The following EDDM13 variants were observed in gnomAD, a reference collection of about 807,000 sequenced individuals.
EDDM13 encodes epididymal protein 13.
A neutral mutation model predicts 17.8 loss-of-function variants in EDDM13; 24 were observed. The ratio of observed to expected loss-of-function variants is 1.35; its 90% CI spans 0.98 to 1.90. The LOEUF is 1.90. Ranked by LOEUF, EDDM13 falls within the 40% of genes most tolerant of loss-of-function variation. EDDM13 has a pLI of 0.00. For missense variants in EDDM13, 97 were observed against 100.8 expected, an observed-to-expected ratio of 0.96 and a Z score of 0.16; for synonymous variants, 31 against 37.5, an observed-to-expected ratio of 0.83 and a Z score of 0.63.
chr19:56,309,347 T>C (rs1224444028), intron 14 of EDDM13, among the ~76,000 whole-genome samples: 2 of 152,066 alleles, frequency 1.3e-5, no homozygotes, highest in Non-Finnish European at 2.9e-5. Context: ...CTTTTTTGGG[T>C]TGATGAAAAT....
intron 9 of EDDM13, among the ~76,000 whole-genome samples, chr19:56,292,224 A>C (rs1303949039): frequency 6.6e-6 from 1 of 152,200 alleles, no homozygotes; most frequent in Non-Finnish European, 1.5e-5. Flanking sequence ...GGTAACATAC[A>C]TCTTTTAAAA....
intron 4 of EDDM13, chr19:56,283,313 A>T (rs1270996808): frequency 6.6e-6 from 1 of 152,190 alleles, no homozygotes; most frequent in Non-Finnish European, 1.5e-5. Flanking sequence ...ACTAAATGTT[A>T]CCTTGAGCCA....
At chr19:56,287,719 A>C (rs1400886022) in intron 6 of EDDM13, among the ~76,000 whole-genome samples, 1 of 152,196 alleles carries the variant, frequency 6.6e-6, no homozygotes, top group South Asian at 2.1e-4. Flanking sequence ...AAATCATCTG[A>C]GTCATTAAAC....
intron 6 of EDDM13, among the ~76,000 whole-genome samples, chr19:56,286,176 C>A (rs184696185): frequency 2.3e-3 from 353 of 152,142 alleles, no homozygotes; most frequent in African/African-American, 8.2e-3. Flanking sequence ...CGCCCACCAC[C>A]ATGCTCGGCT....
chr19:56,302,537 T>TCCCCGTTCCTCCCTC (rs1568726049), intron 13 of EDDM13, among the ~76,000 whole-genome samples: 1 of 49,228 alleles, frequency 2.0e-5, no homozygotes, highest in Non-Finnish European at 4.5e-5. Context: ...TCCCTCTTCT[T>TCCCCGTTCCTCCCTC]CCTCCCCGTT....
chr19:56,280,979 T>C (rs1459739178), intron 2 of EDDM13, among the ~76,000 whole-genome samples: 3 of 152,190 alleles, frequency 2.0e-5, no homozygotes, highest in African/African-American at 7.2e-5. Context: ...AATTCACATA[T>C]AACTTTTGAC....
intron 9 of EDDM13, among the ~76,000 whole-genome samples, chr19:56,291,778 A>G (rs1412132637): frequency 2.6e-5 from 4 of 152,090 alleles, no homozygotes; most frequent in African/African-American, 9.7e-5. Context: ...AAAAATAGCT[A>G]TATTACCATC....
chr19:56,309,131 G>C (rs913155598), intron 14 of EDDM13, among the ~76,000 whole-genome samples: 3 of 152,202 alleles, frequency 2.0e-5, no homozygotes, highest in Non-Finnish European at 4.4e-5. Context: ...AAGAGGAATG[G>C]GGTCCTGGCA....
chr19:56,289,637 G>C (rs2039380285), intron 8 of EDDM13, among the ~76,000 whole-genome samples: 2 of 151,986 alleles, frequency 1.3e-5, no homozygotes, highest in African/African-American at 4.8e-5. Context: ...TTTTTGAGAT[G>C]GGTTCTCACT....
chr19:56,302,581 C>CCCTCTTCCTTTTCTTCCTCCCCTCTT (rs1555807488), intron 13 of EDDM13, among the ~76,000 whole-genome samples: 7 of 40,022 alleles, frequency 1.7e-4, no homozygotes, highest in African/African-American at 1.2e-3. Flanking sequence ...TTCTTCCTCC[C>CCCTCTTCCTTTTCTTCCTCCCCTCTT]CCTTTTCTTC....
At chr19:56,290,177 A>G (rs934799079) in intron 8 of EDDM13, among the ~76,000 whole-genome samples, 1 of 152,190 alleles carries the variant, frequency 6.6e-6, no homozygotes, top group Non-Finnish European at 1.5e-5. Context: ...CTGTCCTTTC[A>G]AAAGGTTTCT....
chr19:56,287,510 C>T (rs1295191465), intron 6 of EDDM13, among the ~76,000 whole-genome samples: 1 of 152,194 alleles, frequency 6.6e-6, no homozygotes, highest in African/African-American at 2.4e-5. Context: ...TCCACCTAAC[C>T]CATAAATATC....
chr19:56,293,006 C>A (rs2039621087), intron 9 of EDDM13, among the ~76,000 whole-genome samples: 1 of 152,184 alleles, frequency 6.6e-6, no homozygotes, highest in African/African-American at 2.4e-5. Context: ...CGGCTGAGGA[C>A]ACACTCTTCT....
Position 56,285,024 on chromosome 19 carries a change from GGTAA to G in EDDM13, c.154+3_154+6del, listed in dbSNP as rs1367526412. On this transcript the variant is annotated splice_donor_variant and splice_donor_region_variant and intron_variant, in intron 6 of 14. Transcript: ENST00000649256. LOFTEE classifies it high-confidence loss of function. ...TCTCATGAGCAGACTGTCACCGGAT[GGTAA>G]GTGTCAGGATTGTATCTTTTAAACC... 5.1e-6 allele frequency: 5 copies of G among 985,186 alleles called. No individual in the cohort carries two copies. The African/African-American group carries it at 7.0e-5, about 14-fold the overall frequency. 61.0% of individuals were successfully genotyped at this position (985,186 alleles called of 1,614,324 possible). A position where few individuals can be genotyped will look rare whatever the true frequency, so the allele number is the denominator to read the frequency against.
intron 9 of EDDM13, among the ~76,000 whole-genome samples, chr19:56,292,451 G>GTTTTTACTTTTTTTTTT (rs773199120): frequency 1.3e-4 from 19 of 144,768 alleles, no homozygotes; most frequent in Non-Finnish European, 2.1e-4. Flanking sequence ...TTTTTTGTCT[G>GTTTTTACTTTTTTTTTT]TTTTTACTTT....
intron 4 of EDDM13, 118 bp downstream of exon 4, chr19:56,282,617 T>C: frequency 1.9e-6 from 1 of 515,582 alleles, no homozygotes; most frequent in Non-Finnish European, 2.5e-6. Context: ...GCTTAGCTTC[T>C]AATAGCGGAA....
chr19:56,286,791 G>C (rs7248022), intron 6 of EDDM13: 138,070 of 152,316 alleles, frequency 0.91, 63,147 homozygotes, highest in Middle Eastern at 0.94. Context: ...CTGTGTCCAC[G>C]TGAGATCTGC....
chr19:56,303,335 G>A (rs931282990), intron 13 of EDDM13, among the ~76,000 whole-genome samples: 39 of 151,916 alleles, frequency 2.6e-4, no homozygotes, highest in Admixed American at 9.8e-4. Flanking sequence ...AAAAATAGCC[G>A]GGCATGGTGG....
intron 1 of EDDM13, among the ~76,000 whole-genome samples, chr19:56,275,560 T>C (rs2146998985): frequency 6.6e-6 from 1 of 152,314 alleles, no homozygotes; most frequent in African/African-American, 2.4e-5. Context: ...GTGAGACTCA[T>C]CTCTACAAAA....
Sources: gnomAD v4.1 joint callset for allele counts (sites outside exome capture counted in the v4.1 genomes callset) on GRCh38, gnomAD v4.1.1 for gene constraint, MANE v1.5 for transcripts, NCBI Gene and HGNC (gene_info 2026-07-23, HGNC 2026-07-21) for gene names.